Variants in MTARC1 observed in about 807,000 individuals in gnomAD.
The protein encoded by MTARC1 is mitochondrial amidoxime reducing component 1.
Under a neutral mutation model 33.6 loss-of-function variants are expected in MTARC1, and 24 were observed. The ratio of observed to expected loss-of-function variants is 0.72; its 90% confidence interval spans 0.52 to 1.01. The LOEUF is 1.01. MTARC1 is among the 50% of genes least tolerant of loss of function. MTARC1 has a pLI of 0.00. For missense variants in MTARC1, 417 were observed against 445.7 expected (o/e 0.94, Z 0.58); for synonymous variants, 187 against 189.5 (o/e 0.99, Z 0.11).
chr1:220,792,652 G>GAAAAAAAAAAA (rs60569026), intron 2 of MTARC1, among the ~76,000 whole-genome samples: 4 of 117,332 alleles, frequency 3.4e-5, no homozygotes, highest in Non-Finnish European at 5.7e-5. Flanking sequence ...GAAATACCAA[G>GAAAAAAAAAAA]AAAAAAAAAA....
intron 4 of MTARC1, among the ~76,000 whole-genome samples, chr1:220,804,563 G>C (rs1259370981): frequency 6.6e-6 from 1 of 152,230 alleles, no homozygotes; most frequent in Non-Finnish European, 1.5e-5. Flanking sequence ...TGCTGGTCCT[G>C]CTCCTGATGT....
intron 4 of MTARC1, 58 bp from the exon 5 acceptor site, chr1:220,804,994 A>G (rs1190621796): frequency 1.3e-6 from 2 of 1,582,000 alleles, no homozygotes; most frequent in Non-Finnish European, 1.7e-6. Flanking sequence ...AAATCTCTAC[A>G]CACGTGTCAG....
rs957451973 is a variant in MTARC1 at position 220,813,525 on chromosome 1, A to T, written c.*107A>T. 4.8e-6 allele frequency: 7 copies of T among 1,460,324 alleles called. No individual in the cohort carries two copies. The highest frequency in any genetic ancestry group is 6.5e-6 in the Non-Finnish European group (7 of 1,080,764). The allele number at this position is 1,460,324 out of a possible 1,614,324, so 90.5% of individuals were successfully genotyped here. ...AACTGAGACCTCTACATTTTCTTTA[A>T]ATTTGTGATTTTCACATTTTTCGTC... is the stretch of plus-strand genomic sequence containing the variant. On this transcript the variant is annotated 3_prime_UTR_variant, in exon 7 of 7. Coordinates refer to ENST00000366910, the MANE Select transcript of MTARC1 (RefSeq NM_022746.4).
At chr1:220,789,047 GGTT>G (rs66568005) in intron 1 of MTARC1, among the ~76,000 whole-genome samples, 31,022 of 150,666 alleles carry the variant, frequency 0.21, 3,569 homozygotes, top group East Asian at 0.45. Context: ...TACAGTCCTA[GGTT>G]GTGACTAGAC....
In MTARC1 at chr1:220,816,767, C is replaced by T. The variant is rs1031221897; in HGVS notation, c.*3349C>T. 6.6e-6 allele frequency: 1 copy of T among 152,372 alleles called. No individual in the cohort carries two copies. Among genetic ancestry groups the T allele is most frequent in the African/African-American group, 2.4e-5 (1 of 41,470 alleles). 9.4% of individuals were successfully genotyped at this position (152,372 alleles called of 1,614,324 possible). Reference sequence around the variant, plus strand: ...CTATCTTGGGACACTTCCCCTTGTCCTCTCCCTTGCCCCTCTTGCTGGAGT... The same window carrying T: ...CTATCTTGGGACACTTCCCCTTGTCTTCTCCCTTGCCCCTCTTGCTGGAGT... On this transcript the variant is annotated 3_prime_UTR_variant, in exon 7 of 7. Transcript: ENST00000366910.
chr1:220,796,240 G>A (rs185770363), intron 2 of MTARC1, among the ~76,000 whole-genome samples: 126 of 152,282 alleles, frequency 8.3e-4, no homozygotes, highest in African/African-American at 2.9e-3. Context: ...AGCCAGGCCT[G>A]TGAATAAAGA....
intron 4 of MTARC1, chr1:220,799,030 C>T (rs529012866): frequency 9.1e-6 from 9 of 985,362 alleles, no homozygotes; most frequent in African/African-American, 5.2e-5. Context: ...TGAGCAGCCC[C>T]GCTAAGTCCC....
intron 4 of MTARC1, among the ~76,000 whole-genome samples, chr1:220,801,961 A>G (rs1009895539): frequency 6.6e-6 from 1 of 152,054 alleles, no homozygotes; most frequent in African/African-American, 2.4e-5. Context: ...AAGCCACAGT[A>G]GAGACAACCA....
chr1:220,807,532 G>C (rs997895594), intron 6 of MTARC1, among the ~76,000 whole-genome samples: 2 of 152,158 alleles, frequency 1.3e-5, no homozygotes, highest in African/African-American at 4.8e-5. Context: ...GTAGTGAGCT[G>C]AGATTGTGCC....
intron 2 of MTARC1, chr1:220,794,489 G>C (rs1672540073): frequency 6.6e-6 from 1 of 151,180 alleles, no homozygotes; most frequent in Non-Finnish European, 1.5e-5. Context: ...TTTGGGAAAA[G>C]TAAAAAATTA....
chr1:220,808,627 G>A (rs945232861), intron 6 of MTARC1, among the ~76,000 whole-genome samples: 17 of 152,210 alleles, frequency 1.1e-4, no homozygotes, highest in African/African-American at 3.9e-4. Flanking sequence ...CATGGCTGGG[G>A]TTGCTTCTGG....
Position 220,813,608 on chromosome 1 carries a change from T to A in MTARC1, c.*190T>A. 1 of 662,988 alleles carries A rather than the reference T, an allele frequency of 1.5e-6. No individual in the cohort carries two copies. The highest frequency in any genetic ancestry group is 2.5e-6 in the Non-Finnish European group (1 of 403,708). 41.1% of individuals were successfully genotyped at this position (662,988 alleles called of 1,614,324 possible). A position where few individuals can be genotyped will look rare whatever the true frequency, so the allele number is the denominator to read the frequency against. ...TCCCAGTGCAAAAAGTAAAGAAATATAGTCTCAATAACTTAGTAGGACTTC... is the reference window on the plus strand; with the variant it reads ...TCCCAGTGCAAAAAGTAAAGAAATAAAGTCTCAATAACTTAGTAGGACTTC... On this transcript the variant is annotated 3_prime_UTR_variant, in exon 7 of 7. Coordinates refer to ENST00000366910, the MANE Select transcript of MTARC1 (RefSeq NM_022746.4).
chr1:220,805,322 C>A (rs772590470), intron 6 of MTARC1, 48 bp downstream of exon 6: 25 of 1,597,138 alleles, frequency 1.6e-5, no homozygotes, highest in Non-Finnish European at 2.1e-5. Flanking sequence ...GTGCCGGGAA[C>A]GGAAGCAATA....
At chr1:220,810,605 C>T (rs1172183334) in intron 6 of MTARC1, among the ~76,000 whole-genome samples, 5 of 152,246 alleles carry the variant, frequency 3.3e-5, no homozygotes, top group South Asian at 2.1e-4. Context: ...GAGGCTGTGC[C>T]GAGAGGGGCA....
chr1:220,798,664 T>C, intron 4 of MTARC1: 1 of 873,308 alleles, frequency 1.1e-6, no homozygotes, highest in Non-Finnish European at 1.4e-6. Flanking sequence ...CAGAGGTTGG[T>C]GGCCTAGAGG....
At position 220,798,562 on chromosome 1, in the gene MTARC1, G is replaced by A. The variant is rs529002351; in HGVS notation, c.753+548G>A. ...TGAACAGCCCTGAGGCTTGGTTTCT[G>A]GGATTCCACAGGATTCTGGCAGCAA... is the stretch of plus-strand genomic sequence containing the variant. On this transcript the variant is annotated intron_variant, in intron 4 of 6. Transcript: ENST00000366910. 5.1e-6 allele frequency: 5 copies of A among 985,284 alleles called. No homozygotes were observed. In the South Asian group the frequency reaches 2.3e-4, roughly 46 times the overall value. 61.0% of individuals were successfully genotyped at this position (985,284 alleles called of 1,614,324 possible).
intron 4 of MTARC1, among the ~76,000 whole-genome samples, chr1:220,800,062 G>A (rs1445894681): frequency 6.6e-6 from 1 of 152,166 alleles, no homozygotes; most frequent in African/African-American, 2.4e-5. Context: ...TGCACCGAGG[G>A]TCATGCTGAA....
chr1:220,799,750 A>G (rs867925711), intron 4 of MTARC1, among the ~76,000 whole-genome samples: 10 of 152,254 alleles, frequency 6.6e-5, no homozygotes, highest in African/African-American at 2.4e-4. Context: ...GGGCATATGT[A>G]TGGGGCTGGG....
intron 4 of MTARC1, chr1:220,799,163 A>G (rs1231822407): frequency 1.0e-6 from 1 of 985,214 alleles, no homozygotes. Flanking sequence ...CAATCGATGG[A>G]GGATAATAAA....
Sources: allele counts gnomAD v4.1 joint callset (sites outside exome capture counted in the v4.1 genomes callset), GRCh38; gene constraint gnomAD v4.1.1; transcripts MANE v1.5; gene names NCBI Gene and HGNC (gene_info 2026-07-23, HGNC 2026-07-21).